CNNM2: variants seen among roughly 807,000 people sequenced by gnomAD.
The protein encoded by CNNM2 is metal transporter CNNM2.
Under a neutral mutation model 66.9 loss-of-function variants are expected in CNNM2, and 12 were observed. The ratio of observed to expected loss-of-function variants is 0.18; its 90% CI spans 0.11 to 0.29. The LOEUF (loss-of-function observed/expected upper bound fraction) is 0.29. CNNM2 is among the 10% of genes least tolerant of loss of function. The pLI is 1.00. For synonymous variants in CNNM2, 557 were observed against 501.8 expected (o/e 1.11, Z -1.47); for missense variants, 705 against 1,167.7 (o/e 0.60, Z 5.77).
Position 102,970,549 on chromosome 10 carries a change from G to C in CNNM2, c.1621+50448G>C, listed in dbSNP as rs191644898. Among the ~76,000 whole-genome samples the C allele has an allele frequency of 2.0e-5, 3 of 152,264 alleles. No homozygotes were observed. The East Asian group carries it at 5.8e-4, about 29-fold the overall frequency. ...CCCACCCTGGCTCTCACCCATTCCA[G>C]ATGTTGCCTATTCTCAGAAAAAAAT... On this transcript the variant is annotated intron_variant, in intron 1 of 7. Transcript: ENST00000369878.
At chr10:102,985,837 G>A (rs2063789351) in intron 1 of CNNM2, among the ~76,000 whole-genome samples, 1 of 152,170 alleles carries the variant, frequency 6.6e-6, no homozygotes, top group Non-Finnish European at 1.5e-5. Flanking sequence ...AAGTGAATGG[G>A]CCCTGCCAAC....
rs934893248 is a variant in CNNM2, at chr10:103,078,308, C to T, written c.*1128C>T. 2.6e-5 allele frequency: 4 copies of T among 152,340 alleles called. No homozygotes were observed. The highest frequency in any genetic ancestry group is 5.9e-5 in the Non-Finnish European group (4 of 68,088). The allele number at this position is 152,340 out of a possible 1,614,324, so 9.4% of individuals were successfully genotyped here. On this transcript the variant is annotated 3_prime_UTR_variant, in exon 8 of 8. Transcript: ENST00000369878. ...CTTTGGGGATTGCCAGCCCCTGCTCCTCCTCCCAGGGAGCCAACTGTCCCT... is the reference window on the plus strand; with the variant it reads ...CTTTGGGGATTGCCAGCCCCTGCTCTTCCTCCCAGGGAGCCAACTGTCCCT...
chr10:102,968,303 A>G (rs1044917111), intron 1 of CNNM2, among the ~76,000 whole-genome samples: 1 of 151,840 alleles, frequency 6.6e-6, no homozygotes, highest in African/African-American at 2.4e-5. Flanking sequence ...CTGGAGTGCA[A>G]TGGCGCAATC....
chr10:103,059,607 A>G (rs1460867330), intron 4 of CNNM2, among the ~76,000 whole-genome samples: 1 of 152,248 alleles, frequency 6.6e-6, no homozygotes, highest in African/African-American at 2.4e-5. Flanking sequence ...GAAGCAATAA[A>G]GACAGTTAAA....
At chr10:102,987,299 T>A (rs1387034943) in intron 1 of CNNM2, among the ~76,000 whole-genome samples, 1 of 152,100 alleles carries the variant, frequency 6.6e-6, no homozygotes, top group Non-Finnish European at 1.5e-5. Flanking sequence ...TATGAATGAA[T>A]ATGCATATAC....
rs147477817 is a variant in CNNM2 at position 102,969,555 on chromosome 10, C to T, written c.1621+49454C>T. Among the ~76,000 whole-genome samples, 1,787 of 151,924 alleles carry T rather than the reference C, an allele frequency of 0.012. 24 individuals carry two copies. Among genetic ancestry groups the T allele is most frequent in the Middle Eastern group, 0.02 (6 of 294 alleles). ...GTAGTTTTGCTTTGTATTTCTCCAC[C>T]GACTGGCAGTCTTTTAATATTGTAA... On this transcript the variant is annotated intron_variant, in intron 1 of 7. Coordinates refer to ENST00000369878, the MANE Select transcript of CNNM2 (RefSeq NM_017649.5).
At chr10:102,980,877 T>C (rs1043068492) in intron 1 of CNNM2, among the ~76,000 whole-genome samples, 41 of 152,334 alleles carry the variant, frequency 2.7e-4, no homozygotes, top group African/African-American at 9.9e-4. Flanking sequence ...CTCTTTTTCT[T>C]TGCTTACTTT....
chr10:103,010,861 C>A (rs566520258), intron 1 of CNNM2, among the ~76,000 whole-genome samples: 1 of 152,286 alleles, frequency 6.6e-6, no homozygotes, highest in South Asian at 2.1e-4. Flanking sequence ...GATCCACTCC[C>A]CCCAGCCTCC....
At chr10:102,986,855 G>T (rs1210965155) in intron 1 of CNNM2, among the ~76,000 whole-genome samples, 2 of 152,014 alleles carry the variant, frequency 1.3e-5, no homozygotes, top group African/African-American at 2.4e-5. Flanking sequence ...AGCAGAAGCT[G>T]GATAAGCAAT....
chr10:103,021,191 C>T (rs557313852), intron 1 of CNNM2, among the ~76,000 whole-genome samples: 141 of 152,130 alleles, frequency 9.3e-4, no homozygotes, highest in Non-Finnish European at 9.1e-4. Context: ...CCCAGCTGAC[C>T]GACTGGAGAT....
At chr10:102,973,541 C>G (rs1376798982) in intron 1 of CNNM2, among the ~76,000 whole-genome samples, 2 of 148,406 alleles carry the variant, frequency 1.3e-5, no homozygotes, top group East Asian at 3.9e-4. Context: ...TTGGTAGAGA[C>G]AAGGTCTTAC....
At chr10:103,050,646 G>A (rs1414370138) in intron 2 of CNNM2, among the ~76,000 whole-genome samples, 2 of 152,106 alleles carry the variant, frequency 1.3e-5, no homozygotes, top group East Asian at 1.9e-4. Flanking sequence ...ATGTGCAAGT[G>A]TAGCTTGCTG....
intron 1 of CNNM2, among the ~76,000 whole-genome samples, chr10:102,958,188 A>C (rs1200263330): frequency 6.6e-6 from 1 of 152,092 alleles, no homozygotes; most frequent in African/African-American, 2.4e-5. Flanking sequence ...CGCCCGCCTT[A>C]GCCTCCCAAA....
intron 1 of CNNM2, among the ~76,000 whole-genome samples, chr10:103,032,856 G>A (rs1024192254): frequency 3.3e-5 from 5 of 151,546 alleles, no homozygotes; most frequent in South Asian, 2.1e-4. Context: ...GGTGGCTCAC[G>A]TCTGTAATCC....
chr10:103,029,626 G>T (rs974797563), intron 1 of CNNM2, among the ~76,000 whole-genome samples: 2 of 152,126 alleles, frequency 1.3e-5, no homozygotes, highest in Admixed American at 1.3e-4. Flanking sequence ...ACTTTGGGAG[G>T]CTGAGGCGGG....
intron 1 of CNNM2, among the ~76,000 whole-genome samples, chr10:103,010,445 G>A (rs1041945034): frequency 1.8e-4 from 28 of 151,912 alleles, no homozygotes; most frequent in African/African-American, 5.6e-4. Flanking sequence ...GCCCAGGCTG[G>A]TGTTGAACTC....
intron 1 of CNNM2, among the ~76,000 whole-genome samples, chr10:103,035,730 A>C (rs918527797): frequency 6.6e-6 from 1 of 152,208 alleles, no homozygotes; most frequent in African/African-American, 2.4e-5. Context: ...GGTGGTGGGA[A>C]TGTGAGACCA....
intron 6 of CNNM2, among the ~76,000 whole-genome samples, chr10:103,075,118 C>G (rs2065667026): frequency 6.6e-6 from 1 of 152,122 alleles, no homozygotes; most frequent in East Asian, 1.9e-4. Flanking sequence ...ACAAACTTTC[C>G]CGATAGCCGA....
At chr10:102,966,896 T>G (rs2063472446) in intron 1 of CNNM2, among the ~76,000 whole-genome samples, 1 of 151,990 alleles carries the variant, frequency 6.6e-6, no homozygotes, top group Non-Finnish European at 1.5e-5. Context: ...AGGATATAAA[T>G]GAAGTTTCTA....
Sources: allele counts gnomAD v4.1 joint callset (sites outside exome capture counted in the v4.1 genomes callset), GRCh38; gene constraint gnomAD v4.1.1; transcripts MANE v1.5; gene names NCBI Gene and HGNC (gene_info 2026-07-23, HGNC 2026-07-21).